The following SNTG1 variants were observed in gnomAD, a reference collection of about 807,000 sequenced individuals.
SNTG1 encodes syntrophin gamma 1.
In SNTG1, 39 loss-of-function variants were observed where a neutral mutation model predicts 74.7. The ratio of observed to expected loss-of-function variants is 0.52; its 90% CI spans 0.40 to 0.68. The LOEUF is 0.68. Ranked by LOEUF, SNTG1 falls within the 30% of genes least tolerant of loss-of-function variation. The pLI is 0.00. For missense variants in SNTG1, 685 were observed against 609.5 expected, an observed-to-expected ratio of 1.12 and a Z score of -1.30; for synonymous variants, 254 against 217.1, an observed-to-expected ratio of 1.17 and a Z score of -1.49.
chr8:50,487,604 G>A (rs2093808708), intron 8 of SNTG1, among the ~76,000 whole-genome samples: 1 of 149,888 alleles, frequency 6.7e-6, no homozygotes, highest in South Asian at 2.1e-4. Flanking sequence ...ACCAAACACT[G>A]CATATTCTCA....
chr8:50,239,909 G>C (rs1023603573), intron 2 of SNTG1, among the ~76,000 whole-genome samples: 2 of 152,122 alleles, frequency 1.3e-5, no homozygotes, highest in African/African-American at 4.8e-5. Context: ...TCAACAGTTA[G>C]AACAGCATCA....
chr8:50,756,033 A>G (rs2095579582), intron 18 of SNTG1, among the ~76,000 whole-genome samples: 2 of 148,834 alleles, frequency 1.3e-5, no homozygotes, highest in South Asian at 4.2e-4. Context: ...TCATACGCTA[A>G]TTTTCATCTG....
At chr8:50,181,571 T>C (rs2083207107) in intron 2 of SNTG1, among the ~76,000 whole-genome samples, 1 of 152,214 alleles carries the variant, frequency 6.6e-6, no homozygotes, top group Non-Finnish European at 1.5e-5. Context: ...ACAATATTTA[T>C]GTTTTCAACA....
chr8:50,002,368 T>C (rs1384374075), intron 1 of SNTG1, among the ~76,000 whole-genome samples: 2 of 152,196 alleles, frequency 1.3e-5, no homozygotes, highest in East Asian at 3.8e-4. Flanking sequence ...GTGGTATCTC[T>C]TATTCATATG....
intron 11 of SNTG1, among the ~76,000 whole-genome samples, chr8:50,548,386 A>T (rs2094402729): frequency 2.6e-5 from 4 of 152,190 alleles, no homozygotes; most frequent in Admixed American, 6.5e-5. Context: ...TTTGGTGGTG[A>T]TGGAAAGGAA....
At chr8:49,935,573 C>T (rs1563366970) in intron 1 of SNTG1, among the ~76,000 whole-genome samples, 1 of 150,038 alleles carries the variant, frequency 6.7e-6, no homozygotes, top group Non-Finnish European at 1.5e-5. Context: ...GCCCAGGTGA[C>T]TCTATCCAAA....
Position 50,425,062 on chromosome 8 carries a change from A to G in SNTG1, c.163-13481A>G, listed in dbSNP as rs1223800739. ...GAGATAGCATTTTTTAAAATGGAAG[A>G]CAATAAATCACAAGTATATTATTTA... On this transcript the variant is annotated intron_variant, in intron 4 of 18. Coordinates refer to ENST00000642720, the MANE Select transcript of SNTG1 (RefSeq NM_018967.5). 2.0e-5 allele frequency among the ~76,000 whole-genome samples: 3 copies of G among 152,220 alleles called. No individual in the cohort carries two copies. The East Asian group carries it at 5.8e-4, about 29-fold the overall frequency.
In SNTG1 at chr8:50,740,150, G is replaced by A. The variant is rs534384582; in HGVS notation, c.1285-11851G>A. ...ATCTAATTAAACTAAAAAGCTCTGC[G>A]CAGCAAAAGAAACTATCAACAGAGT... On this transcript the variant is annotated intron_variant, in intron 17 of 18. Transcript: ENST00000642720. Among the ~76,000 whole-genome samples, 82 of 151,848 alleles carry A rather than the reference G, an allele frequency of 5.4e-4. 1 individual carries two copies. The highest frequency in any genetic ancestry group is 1.8e-3 in the African/African-American group (74 of 41,486).
At chr8:50,204,460 CA>C (rs142614239) in intron 2 of SNTG1, among the ~76,000 whole-genome samples, 7,076 of 152,070 alleles carry the variant, frequency 0.047, 393 homozygotes, top group South Asian at 0.14. Flanking sequence ...AGATATCTTC[CA>C]AATAAACTGC....
At chr8:50,620,662 G>A (rs2094916731) in intron 13 of SNTG1, among the ~76,000 whole-genome samples, 1 of 152,124 alleles carries the variant, frequency 6.6e-6, no homozygotes, top group African/African-American at 2.4e-5. Context: ...AGTTAAGAGA[G>A]GTAAACAATG....
chr8:50,595,126 A>AT (rs991266968), intron 13 of SNTG1, among the ~76,000 whole-genome samples: 5 of 151,482 alleles, frequency 3.3e-5, no homozygotes, highest in East Asian at 1.9e-4. Context: ...TCAAAAATCT[A>AT]TTTTTTTCAA....
intron 2 of SNTG1, among the ~76,000 whole-genome samples, chr8:50,295,983 T>G (rs1329416138): frequency 2.0e-5 from 3 of 152,180 alleles, no homozygotes; most frequent in Non-Finnish European, 4.4e-5. Context: ...TGTGCATAGC[T>G]CATTAATGTG....
chr8:50,716,834 G>A (rs1218232611), intron 17 of SNTG1, among the ~76,000 whole-genome samples: 2 of 151,562 alleles, frequency 1.3e-5, no homozygotes, highest in East Asian at 1.9e-4. Context: ...CCGGGTTCAC[G>A]CCATTCTCCT....
At chr8:49,992,867 A>G (rs1170317351) in intron 1 of SNTG1, among the ~76,000 whole-genome samples, 1 of 152,226 alleles carries the variant, frequency 6.6e-6, no homozygotes, top group African/African-American at 2.4e-5. Flanking sequence ...CACACATACT[A>G]AAATCACCTT....
intron 1 of SNTG1, among the ~76,000 whole-genome samples, chr8:50,020,492 T>C (rs1464974486): frequency 6.6e-6 from 1 of 152,182 alleles, no homozygotes; most frequent in Non-Finnish European, 1.5e-5. Context: ...ATTTAGGAGA[T>C]AATAAAGTTT....
At chr8:50,073,734 T>G (rs1222656168) in intron 1 of SNTG1, among the ~76,000 whole-genome samples, 2 of 152,168 alleles carry the variant, frequency 1.3e-5, no homozygotes, top group East Asian at 3.9e-4. Context: ...ATTAATCTCC[T>G]TGTATGTCTG....
At chr8:50,505,556 G>C (rs1256521870) in intron 9 of SNTG1, among the ~76,000 whole-genome samples, 1 of 151,976 alleles carries the variant, frequency 6.6e-6, no homozygotes, top group African/African-American at 2.4e-5. Context: ...TCTAATTGTT[G>C]TCAGATGATA....
intron 2 of SNTG1, among the ~76,000 whole-genome samples, chr8:50,254,718 T>C (rs1249787165): frequency 1.3e-5 from 2 of 151,920 alleles, no homozygotes; most frequent in African/African-American, 4.8e-5. Context: ...TGGTGATGCG[T>C]GCCTGTAGTC....
chr8:50,567,751 G>A (rs2094524133), intron 12 of SNTG1, among the ~76,000 whole-genome samples: 1 of 151,678 alleles, frequency 6.6e-6, no homozygotes, highest in African/African-American at 2.4e-5. Flanking sequence ...ATTTTAATGG[G>A]GTACATTGTG....
Sources: gnomAD v4.1 joint callset for allele counts (sites outside exome capture counted in the v4.1 genomes callset) on GRCh38, gnomAD v4.1.1 for gene constraint, MANE v1.5 for transcripts, NCBI Gene and HGNC (gene_info 2026-07-23, HGNC 2026-07-21) for gene names.